The following CR1 variants were observed in gnomAD, a reference collection of about 807,000 sequenced individuals.
The protein encoded by CR1 is complement C3b/C4b receptor 1 (Knops blood group), also known as complement receptor type 1.
Under a neutral mutation model 187.3 loss-of-function variants are expected in CR1, and 116 were observed. That is an observed-to-expected ratio of 0.62 (90% confidence interval 0.53 to 0.72). The LOEUF (loss-of-function observed/expected upper bound fraction) is 0.72, where lower values mean the gene tolerates loss of function less well. CR1 is among the 30% of genes least tolerant of loss of function. CR1 has a pLI of 0.00. For synonymous variants in CR1, 576 were observed against 747.1 expected (o/e 0.77, Z 3.73); for missense variants, 1,731 against 2,110.7 (o/e 0.82, Z 3.52).
At chr1:207,522,374 C>T (rs1198113845) in intron 4 of CR1, among the ~76,000 whole-genome samples, 3 of 152,208 alleles carry the variant, frequency 2.0e-5, no homozygotes, top group Non-Finnish European at 4.4e-5. Flanking sequence ...GTTCTTGTGG[C>T]CTCAGAACAC....
chr1:207,499,187 T>C (rs1470806553), intron 1 of CR1, among the ~76,000 whole-genome samples: 1 of 152,108 alleles, frequency 6.6e-6, no homozygotes, highest in Non-Finnish European at 1.5e-5. Flanking sequence ...CTAATGCTAG[T>C]CACAGAAAGC....
intron 28 of CR1, among the ~76,000 whole-genome samples, chr1:207,576,845 T>C (rs549713195): frequency 3.3e-5 from 5 of 152,170 alleles, no homozygotes; most frequent in African/African-American, 1.2e-4. Context: ...GCTGTATGCT[T>C]TATTATATTA....
At chr1:207,592,344 C>G (rs954474969) in intron 35 of CR1, among the ~76,000 whole-genome samples, 2 of 152,070 alleles carry the variant, frequency 1.3e-5, no homozygotes, top group African/African-American at 4.8e-5. Flanking sequence ...TGATAAAAAC[C>G]ACATGATTAT....
At chr1:207,520,968 GTTTTTTTTTTTTTTTT>G (rs141546660) in intron 4 of CR1, among the ~76,000 whole-genome samples, 1 of 44,568 alleles carries the variant, frequency 2.2e-5, no homozygotes, top group Non-Finnish European at 3.8e-5. Context: ...TTTTTTGGTT[GTTTTTTTTTTTTTTTT>G]TTTTTTTTTG....
At chr1:207,619,028 C>A (rs1662229734) in intron 42 of CR1, among the ~76,000 whole-genome samples, 1 of 112,038 alleles carries the variant, frequency 8.9e-6, no homozygotes. Flanking sequence ...CAGAGCAAGA[C>A]TCCGTCTCAA....
chr1:207,511,986 T>C lies in CR1; in HGVS notation c.487+332T>C, dbSNP rs12082532. Among the ~76,000 whole-genome samples, 359 of 152,290 alleles carry C rather than the reference T, an allele frequency of 2.4e-3. 2 individuals carry two copies. Among genetic ancestry groups the C allele is most frequent in the African/African-American group, 7.8e-3 (326 of 41,560 alleles). On this transcript the variant is annotated intron_variant, in intron 4 of 46. Coordinates refer to ENST00000367049, the MANE Select transcript of CR1 (RefSeq NM_000651.6). ...GGCAAATCAGTAAAGATTTTTAAAATTGATACTCTTCAAGGTTAGCGAAGC... is the reference window on the plus strand; with the variant it reads ...GGCAAATCAGTAAAGATTTTTAAAACTGATACTCTTCAAGGTTAGCGAAGC...
At chr1:207,599,725 G>A (rs1661550028) in intron 35 of CR1, among the ~76,000 whole-genome samples, 1 of 152,142 alleles carries the variant, frequency 6.6e-6, no homozygotes, top group Non-Finnish European at 1.5e-5. Flanking sequence ...TTGCAGAAAA[G>A]CATATAGAGT....
At chr1:207,521,017 T>C (rs1169077442) in intron 4 of CR1, among the ~76,000 whole-genome samples, 3 of 132,012 alleles carry the variant, frequency 2.3e-5, no homozygotes, top group Non-Finnish European at 4.7e-5. Context: ...TCTTATCACC[T>C]GGGCTGGAGT....
rs1482689830 is a variant in CR1 at position 207,519,724 on chromosome 1, G to A, written c.488-3887G>A. Among the ~76,000 whole-genome samples the A allele has an allele frequency of 2.6e-5, 4 of 152,202 alleles. No homozygotes were observed. The South Asian group carries it at 8.3e-4, about 31-fold the overall frequency. The stretch of plus-strand genomic sequence containing the variant: ...GGCAGCCTCCCGAGCCAAAGTAAGC[G>A]CAGAGACTCCAGCCCAGCTGCAATG... On this transcript the variant is annotated intron_variant, in intron 4 of 46. Coordinates refer to ENST00000367049, the MANE Select transcript of CR1 (RefSeq NM_000651.6).
At chr1:207,510,766 C>CTTCCTTCCTTCCTTCA (rs1659587028) in intron 3 of CR1, among the ~76,000 whole-genome samples, 1 of 149,892 alleles carries the variant, frequency 6.7e-6, no homozygotes, top group Non-Finnish European at 1.5e-5. Context: ...TCCTTCCTTC[C>CTTCCTTCCTTCCTTCA]TCCCTCCCTT....
In CR1 at chr1:207,577,793, T is replaced by C. The variant is rs759669328; in HGVS notation, c.4538-12T>C. 9.9e-6 allele frequency: 16 copies of C among 1,613,472 alleles called. No homozygotes were observed. The highest frequency in any genetic ancestry group is 1.3e-5 in the African/African-American group (1 of 74,884). On this transcript the variant is annotated splice_polypyrimidine_tract_variant and intron_variant, in intron 28 of 46. Coordinates refer to ENST00000367049, the MANE Select transcript of CR1 (RefSeq NM_000651.6). ...AGGTTTTGTTTTGGTTAACTTGCTG[T>C]CTCTTTTCCAGGAATTCCTTGTGGG... is the stretch of plus-strand genomic sequence containing the variant.
At position 207,584,894 on chromosome 1, in the gene CR1, C is replaced by G; in HGVS notation, c.5530+18C>G. On this transcript the variant is annotated intron_variant, in intron 33 of 46. Transcript: ENST00000367049. ...TCGTGCTGGTCAGTATCCACTTCCACATATCCTAAATGGGTTCAGAATATG... is the reference window on the plus strand; with the variant it reads ...TCGTGCTGGTCAGTATCCACTTCCAGATATCCTAAATGGGTTCAGAATATG... 6.2e-7 allele frequency: 1 copy of G among 1,613,642 alleles called. No individual in the cohort carries two copies. Among genetic ancestry groups the G allele is most frequent in the Non-Finnish European group, 8.5e-7 (1 of 1,179,666 alleles).
intron 25 of CR1, among the ~76,000 whole-genome samples, chr1:207,568,394 G>C (rs1003774082): frequency 1.1e-5 from 1 of 93,732 alleles, no homozygotes; most frequent in African/African-American, 5.1e-5. Context: ...TTGAGTTCCC[G>C]CCCATGCTTG....
At chr1:207,591,016 A>C (rs1661254381) in intron 35 of CR1, among the ~76,000 whole-genome samples, 1 of 152,122 alleles carries the variant, frequency 6.6e-6, no homozygotes, top group South Asian at 2.1e-4. Flanking sequence ...AGACTTTAAC[A>C]CCCCACTGTC....
At chr1:207,635,843 C>G (rs1367823636) in intron 46 of CR1, among the ~76,000 whole-genome samples, 4 of 152,166 alleles carry the variant, frequency 2.6e-5, no homozygotes, top group African/African-American at 7.2e-5. Context: ...TCTTAACAAG[C>G]ATGCTGCCTT....
chr1:207,623,821 T>C (rs1439588167), intron 45 of CR1, among the ~76,000 whole-genome samples: 1 of 151,642 alleles, frequency 6.6e-6, no homozygotes, highest in Non-Finnish European at 1.5e-5. Flanking sequence ...ACACATATCA[T>C]ATGGCACACA....
At chr1:207,518,574 G>A (rs1659874827) in intron 4 of CR1, among the ~76,000 whole-genome samples, 1 of 152,184 alleles carries the variant, frequency 6.6e-6, no homozygotes, top group South Asian at 2.1e-4. Flanking sequence ...CAGTTAAGAT[G>A]TCAATAGGAT....
intron 41 of CR1, among the ~76,000 whole-genome samples, chr1:207,617,206 T>G (rs1257252470): frequency 6.6e-6 from 1 of 152,054 alleles, no homozygotes; most frequent in Non-Finnish European, 1.5e-5. Flanking sequence ...ACATTGATGA[T>G]GTAATTTACT....
At chr1:207,616,856 C>A in intron 41 of CR1, 54 bp downstream of exon 41, 1 of 1,585,622 alleles carries the variant, frequency 6.3e-7, no homozygotes, top group Non-Finnish European at 8.6e-7. Flanking sequence ...TAGGTAAGAA[C>A]CTCCATATTT....
Sources: allele counts gnomAD v4.1 joint callset (sites outside exome capture counted in the v4.1 genomes callset), GRCh38; gene constraint gnomAD v4.1.1; transcripts MANE v1.5; gene names NCBI Gene and HGNC (gene_info 2026-07-23, HGNC 2026-07-21).